Variants in AKAP13 observed in about 807,000 individuals in gnomAD.
AKAP13 encodes A-kinase anchoring protein 13, also known as A-kinase anchor protein 13.
A neutral mutation model predicts 264.5 loss-of-function variants in AKAP13; 80 were observed. The ratio of observed to expected loss-of-function variants is 0.30; its 90% CI spans 0.25 to 0.36. The LOEUF (loss-of-function observed/expected upper bound fraction) is 0.36. Ranked by LOEUF, AKAP13 falls within the 10% of genes least tolerant of loss-of-function variation. The probability of loss-of-function intolerance (pLI) is 1.00; values close to 1 mark genes in which losing one functional copy is unlikely to be tolerated. For synonymous variants in AKAP13, 1,380 were observed against 1,250.2 expected, an observed-to-expected ratio of 1.10 and a Z score of -2.19; for missense variants, 3,712 against 3,435.2, an observed-to-expected ratio of 1.08 and a Z score of -2.01.
intron 8 of AKAP13, among the ~76,000 whole-genome samples, chr15:85,630,670 A>G (rs2081737429): frequency 6.6e-6 from 1 of 152,170 alleles, no homozygotes. Flanking sequence ...TCTTCACACA[A>G]TCTTCCTTTT....
Position 85,580,283 on chromosome 15 carries a change from A to G in AKAP13, c.2215A>G (p.Asn739Asp), listed in dbSNP as rs756091559. 5.6e-6 allele frequency: 9 copies of G among 1,614,242 alleles called. No individual in the cohort carries two copies. Among genetic ancestry groups the G allele is most frequent in the South Asian group, 5.5e-5 (5 of 91,088 alleles). Reference protein sequence around the residue: ...ADFCPFKVVDNKGQRKDVKLD... With the variant: ...ADFCPFKVVDDKGQRKDVKLD... ...TTTTTGTCCTTTCAAAGTGGTGGAT[A>G]ACAAAGGCCAACGAAAAGATGTGAA... Residue 739 changes from asparagine (N) to aspartate (D), a missense_variant, in exon 7 of 37, where the codon AAC (asparagine) becomes GAC (aspartate). By Grantham distance (23) the Asn-to-Asp change is conservative (BLOSUM62 1). Transcript: ENST00000394518.
chr15:85,641,921 C>CA (rs1402427811), intron 9 of AKAP13, among the ~76,000 whole-genome samples: 1 of 152,200 alleles, frequency 6.6e-6, no homozygotes, highest in Non-Finnish European at 1.5e-5. Flanking sequence ...CCTTCCCCAA[C>CA]AACAGTTTGT....
At chr15:85,692,621 T>C (rs758808095) in intron 16 of AKAP13, among the ~76,000 whole-genome samples, 35 of 152,188 alleles carry the variant, frequency 2.3e-4, no homozygotes, top group Non-Finnish European at 4.6e-4. Flanking sequence ...CCCCTTCTTA[T>C]CAGTCTCCTC....
chr15:85,433,365 ACTT>A lies in AKAP13; in HGVS notation c.-11-52341_-11-52339del, dbSNP rs1301592924. On this transcript the variant is annotated intron_variant, in intron 1 of 36. Transcript: ENST00000394518. ...AATTTTATCCAAAATGCTTGTGACC[ACTT>A]CTTATTTCATTCCCATCATCTAAGT... Among the ~76,000 whole-genome samples the A allele has an allele frequency of 4.6e-5, 7 of 152,156 alleles. No homozygotes were observed. In the South Asian group the frequency reaches 1.5e-3, roughly 32 times the overall value.
chr15:85,720,209 C>T (rs1448502386), intron 23 of AKAP13, among the ~76,000 whole-genome samples: 3 of 136,576 alleles, frequency 2.2e-5, no homozygotes, highest in African/African-American at 5.0e-5. Flanking sequence ...CACTGTACTC[C>T]AGCCTGGGCG....
At chr15:85,668,562 G>C (rs2083731953) in intron 13 of AKAP13, among the ~76,000 whole-genome samples, 1 of 152,198 alleles carries the variant, frequency 6.6e-6, no homozygotes, top group African/African-American at 2.4e-5. Context: ...GAAGAGGATA[G>C]GGAAGAGATT....
chr15:85,458,416 A>G (rs1310454853), intron 1 of AKAP13, among the ~76,000 whole-genome samples: 1 of 94,756 alleles, frequency 1.1e-5, no homozygotes, highest in Non-Finnish European at 1.9e-5. Flanking sequence ...TTTACTATAT[A>G]TGTATGGAGT....
intron 3 of AKAP13, among the ~76,000 whole-genome samples, chr15:85,525,792 G>T (rs1357555015): frequency 6.6e-6 from 1 of 152,134 alleles, no homozygotes; most frequent in Non-Finnish European, 1.5e-5. Context: ...ATCCTTTGAA[G>T]ATAATTGTTG....
At chr15:85,670,073 C>A (rs1004823604) in intron 14 of AKAP13, among the ~76,000 whole-genome samples, 2 of 152,274 alleles carry the variant, frequency 1.3e-5, no homozygotes, top group East Asian at 3.9e-4. Context: ...GAATCTGACA[C>A]ACTTTTTAAA....
intron 1 of AKAP13, among the ~76,000 whole-genome samples, chr15:85,480,150 A>G (rs1163224252): frequency 6.6e-6 from 1 of 152,252 alleles, no homozygotes; most frequent in Non-Finnish European, 1.5e-5. Context: ...AGAGATATGT[A>G]CACTTAACAT....
intron 8 of AKAP13, among the ~76,000 whole-genome samples, chr15:85,607,067 C>CT (rs34949863): frequency 0.016 from 2,281 of 141,700 alleles, 52 homozygotes; most frequent in African/African-American, 0.048. Context: ...TTCTTTTTTT[C>CT]TTTTTTTTTT....
chr15:85,719,419 CATTT>C, intron 23 of AKAP13, 93 bp downstream of exon 23: 1 of 1,475,820 alleles, frequency 6.8e-7, no homozygotes, highest in Non-Finnish European at 9.2e-7. Context: ...TTCTTTCTAC[CATTT>C]ATTATCTGTG....
At chr15:85,613,923 A>C (rs934748441) in intron 8 of AKAP13, among the ~76,000 whole-genome samples, 5 of 151,968 alleles carry the variant, frequency 3.3e-5, no homozygotes, top group African/African-American at 1.2e-4. Flanking sequence ...ATTTGAGAGA[A>C]TATATCTATA....
In AKAP13 at chr15:85,592,223, T is replaced by C. The variant is rs896438896; in HGVS notation, c.4161+6400T>C. 4.7e-4 allele frequency among the ~76,000 whole-genome samples: 71 copies of C among 152,170 alleles called. 1 individual carries two copies. The highest frequency in any genetic ancestry group is 2.6e-4 in the Admixed American group (4 of 15,278). ...CTTCCTGAACTATGTCCTTTTATTA[T>C]ATTTAATGGAACACTCTGTTTTCTT... On this transcript the variant is annotated intron_variant, in intron 8 of 36. Coordinates refer to ENST00000394518, the MANE Select transcript of AKAP13 (RefSeq NM_007200.5).
chr15:85,382,558 T>C (rs894862492), intron 1 of AKAP13, among the ~76,000 whole-genome samples: 8 of 152,200 alleles, frequency 5.3e-5, no homozygotes, highest in African/African-American at 1.9e-4. Context: ...TGTAAGCAAG[T>C]ACTACTTACA....
At chr15:85,686,169 GTGTGTGTGTGCACGTGCATGCA>G (rs1355232596) in intron 16 of AKAP13, among the ~76,000 whole-genome samples, 3 of 119,608 alleles carry the variant, frequency 2.5e-5, no homozygotes, top group East Asian at 2.5e-4. Context: ...GTGTGTGTAT[GTGTGTGTGTGCACGTGCATGCA>G]TGTGTGTGTG....
intron 5 of AKAP13, among the ~76,000 whole-genome samples, chr15:85,544,831 C>T (rs1429812796): frequency 1.3e-5 from 2 of 152,148 alleles, no homozygotes; most frequent in East Asian, 1.9e-4. Flanking sequence ...ATTGAGGGAC[C>T]TGTGCAAATT....
chr15:85,418,289 C>T (rs2072341052), intron 1 of AKAP13, among the ~76,000 whole-genome samples: 1 of 152,192 alleles, frequency 6.6e-6, no homozygotes, highest in South Asian at 2.1e-4. Flanking sequence ...CTTTGTTGCC[C>T]AGGCAGGTCT....
At chr15:85,563,754 T>C (rs935894707) in intron 5 of AKAP13, among the ~76,000 whole-genome samples, 1 of 152,248 alleles carries the variant, frequency 6.6e-6, no homozygotes, top group African/African-American at 2.4e-5. Flanking sequence ...CTAATATTTA[T>C]TGACTGCCTA....
Sources: gnomAD v4.1 joint callset for allele counts (sites outside exome capture counted in the v4.1 genomes callset) on GRCh38, gnomAD v4.1.1 for gene constraint, MANE v1.5 for transcripts, NCBI Gene and HGNC (gene_info 2026-07-23, HGNC 2026-07-21) for gene names.